The following SLC11A2 variants were observed in gnomAD, a reference collection of about 807,000 sequenced individuals.
SLC11A2 encodes the protein solute carrier family 11 member 2, also known as natural resistance-associated macrophage protein 2.
SLC11A2 carries 38 observed loss-of-function variants against 68.0 expected under a neutral mutation model. That is an observed-to-expected ratio of 0.56 (90% CI 0.43 to 0.73). The LOEUF (loss-of-function observed/expected upper bound fraction) is 0.73. Among genes scored for constraint, SLC11A2 ranks in the 30% least tolerant of loss-of-function variants. The pLI is 0.00. For synonymous variants in SLC11A2, 242 were observed against 250.6 expected, an observed-to-expected ratio of 0.97 and a Z score of 0.32; for missense variants, 517 against 690.5, an observed-to-expected ratio of 0.75 and a Z score of 2.82.
Position 51,005,484 on chromosome 12 carries a change from A to G in SLC11A2, c.184-48T>C. On this transcript the variant is annotated intron_variant, in intron 3 of 15. Coordinates refer to ENST00000262052, the MANE Select transcript of SLC11A2 (RefSeq NM_000617.3). ...TTAAACTGAACATCACCATTGAACTACTGATATAATTGGTCTGTTATCACA... is the reference window on the plus strand; with the variant it reads ...TTAAACTGAACATCACCATTGAACTGCTGATATAATTGGTCTGTTATCACA... The G allele has an allele frequency of 1.9e-6, 3 of 1,609,340 alleles. No homozygotes were observed. In the South Asian group the frequency reaches 3.3e-5, roughly 18 times the overall value.
the SLC11A2 span, among the ~76,000 whole-genome samples, chr12:50,970,271 G>GT: frequency 6.6e-6 from 1 of 151,842 alleles, no homozygotes; most frequent in Non-Finnish European, 1.5e-5. Context: ...TTTGTTTTTT[G>GT]TTTTTTTCTA....
chr12:50,989,554 T>C (rs1940940518), intron 15 of SLC11A2, among the ~76,000 whole-genome samples: 1 of 152,190 alleles, frequency 6.6e-6, no homozygotes, highest in East Asian at 1.9e-4. Context: ...GAGGACAAAC[T>C]GGCATCTTCA....
Position 50,988,408 on chromosome 12 carries a change from T to G in SLC11A2, c.1603A>C (p.Met535Leu). ...LGWQCLIALG[M>L]SFLDCGHTVS... ...GTATGCCCACAGTCCAGGAAGGACA[T>G]GCCCAGTGCAATCAAACATTGCCAA... Residue 535 changes from methionine (M) to leucine (L), a missense_variant, in exon 16 of 16, where the codon ATG (methionine) becomes CTG (leucine). Transcript: ENST00000262052. 6.2e-7 allele frequency: 1 copy of G among 1,614,066 alleles called. No homozygotes were observed. Among genetic ancestry groups the G allele is most frequent in the Non-Finnish European group, 8.5e-7 (1 of 1,179,922 alleles).
downstream of SLC11A2, chr12:50,980,274 CT>C: frequency 5.7e-6 from 1 of 174,106 alleles, no homozygotes; most frequent in South Asian, 1.3e-4. Context: ...AATCCCAGCA[CT>C]TTGGGAGGCT....
rs1454969546 is a variant in SLC11A2, at chr12:50,987,688, T to C, written c.*637A>G. ...CCTAGCGATGTGGTGCTGGTTTTGT[T>C]AGTTGTCAGTTTTTCCCCTTCTTTG... On this transcript the variant is annotated 3_prime_UTR_variant, in exon 16 of 16. Coordinates refer to ENST00000262052, the MANE Select transcript of SLC11A2 (RefSeq NM_000617.3). The C allele has an allele frequency of 7.8e-7, 1 of 1,287,162 alleles. No homozygotes were observed. Among genetic ancestry groups the C allele is most frequent in the African/African-American group, 1.5e-5 (1 of 65,910 alleles). 79.7% of individuals were successfully genotyped at this position (1,287,162 alleles called of 1,614,324 possible).
At chr12:50,954,179 A>G in the SLC11A2 span, 4 of 793,506 alleles carry the variant, frequency 5.0e-6, no homozygotes, top group Non-Finnish European at 4.2e-6. Flanking sequence ...AATGTTTCTT[A>G]TAATTGAATT....
At chr12:51,000,761 G>T (rs1942132902) in intron 5 of SLC11A2, 1 of 584,580 alleles carries the variant, frequency 1.7e-6, no homozygotes, top group Admixed American at 3.3e-5. Flanking sequence ...AAGTTTAGAG[G>T]AGAATAAGGA....
the SLC11A2 span, among the ~76,000 whole-genome samples, chr12:50,958,494 G>T: frequency 1.3e-5 from 2 of 150,414 alleles, no homozygotes; most frequent in Admixed American, 1.3e-4. Flanking sequence ...TGTTAGCCAG[G>T]ATGGTCTTCA....
rs1425855603 is a variant in SLC11A2 at position 50,986,496 on chromosome 12, C to T, written c.*1829G>A. Reference sequence around the variant, plus strand: ...CAGCTTTTACCTAGGCTCCTAAATGCTTGTAAATCTGAGACTGACTGGACC... The same window carrying T: ...CAGCTTTTACCTAGGCTCCTAAATGTTTGTAAATCTGAGACTGACTGGACC... On this transcript the variant is annotated 3_prime_UTR_variant, in exon 16 of 16. Coordinates refer to ENST00000262052, the MANE Select transcript of SLC11A2 (RefSeq NM_000617.3). 1 of 1,285,838 alleles carries T rather than the reference C, an allele frequency of 7.8e-7. No homozygotes were observed. Among genetic ancestry groups the T allele is most frequent in the African/African-American group, 1.5e-5 (1 of 65,822 alleles). The allele number at this position is 1,285,838 out of a possible 1,614,324, so 79.7% of individuals were successfully genotyped here.
chr12:50,992,369 T>A (rs17222484), intron 12 of SLC11A2, 30 bp from the exon 13 acceptor site: 1 of 1,612,032 alleles, frequency 6.2e-7, no homozygotes, highest in African/African-American at 1.3e-5. Context: ...CAGATGACTG[T>A]CTGCAACAGG....
rs1263371517 is a variant in SLC11A2, at chr12:50,990,964, GCA to G, written c.1422-18_1422-17del. 1 of 1,613,038 alleles carries G rather than the reference GCA, an allele frequency of 6.2e-7. No individual in the cohort carries two copies. Among genetic ancestry groups the G allele is most frequent in the Non-Finnish European group, 8.5e-7 (1 of 1,179,094 alleles). ...CCGCCAGCCTCTGTAAAAGAAATCA[GCA>G]CAGTCACTGATGGAATAATCCAACT... is the stretch of plus-strand genomic sequence containing the variant. On this transcript the variant is annotated splice_polypyrimidine_tract_variant and intron_variant, in intron 14 of 15. Transcript: ENST00000262052.
At chr12:50,988,797 C>T (rs193118495) in intron 15 of SLC11A2, among the ~76,000 whole-genome samples, 9 of 152,110 alleles carry the variant, frequency 5.9e-5, no homozygotes, top group Non-Finnish European at 1.2e-4. Flanking sequence ...ACTGAAGCCT[C>T]GAATTCCTGG....
At chr12:50,998,231 C>T (rs796073146) in intron 8 of SLC11A2, among the ~76,000 whole-genome samples, 36 of 152,092 alleles carry the variant, frequency 2.4e-4, no homozygotes, top group African/African-American at 7.7e-4. Context: ...TGGTGGTACA[C>T]GCCAATAATC....
downstream of SLC11A2, among the ~76,000 whole-genome samples, chr12:50,976,156 T>C (rs535792477): frequency 6.6e-6 from 1 of 152,282 alleles, no homozygotes; most frequent in East Asian, 1.9e-4. Context: ...GCCAACATCA[T>C]CCTGATACCA....
downstream of SLC11A2, among the ~76,000 whole-genome samples, chr12:50,978,156 G>T (rs534648240): frequency 6.5e-4 from 99 of 151,992 alleles, no homozygotes; most frequent in African/African-American, 2.3e-3. Flanking sequence ...ATACTCAAAG[G>T]ATTATAAATC....
the SLC11A2 span, among the ~76,000 whole-genome samples, chr12:50,968,899 TA>T: frequency 2.0e-5 from 3 of 147,316 alleles, no homozygotes; most frequent in African/African-American, 7.6e-5. Flanking sequence ...GGCTGGTCTC[TA>T]ACTCCTGGCC....
the SLC11A2 span, among the ~76,000 whole-genome samples, chr12:50,966,672 A>C: frequency 4.6e-5 from 7 of 152,204 alleles, no homozygotes; most frequent in Non-Finnish European, 7.4e-5. Context: ...AGTTTCAGTC[A>C]TTCTCAGACA....
the SLC11A2 span, among the ~76,000 whole-genome samples, chr12:50,957,507 T>C: frequency 4.2e-4 from 64 of 151,672 alleles, no homozygotes; most frequent in Non-Finnish European, 8.2e-4. Flanking sequence ...CCAGCCTGCA[T>C]TTCTTCTTTT....
the SLC11A2 span, chr12:50,954,189 T>G: frequency 4.1e-6 from 3 of 738,770 alleles, no homozygotes; most frequent in Admixed American, 2.5e-5. Context: ...ATAATTGAAT[T>G]TTTTCAGATA....
Sources: allele counts gnomAD v4.1 joint callset (sites outside exome capture counted in the v4.1 genomes callset), GRCh38; gene constraint gnomAD v4.1.1; transcripts MANE v1.5; gene names NCBI Gene and HGNC (gene_info 2026-07-23, HGNC 2026-07-21).